SKP1: variants seen among roughly 807,000 people sequenced by gnomAD.
The protein encoded by SKP1 is S-phase kinase-associated protein 1.
A neutral mutation model predicts 21.5 loss-of-function variants in SKP1; 1 was observed. That is an observed-to-expected ratio of 0.05 (90% CI 0.02 to 0.22). The LOEUF is 0.22. Among genes scored for constraint, SKP1 ranks in the 10% least tolerant of loss-of-function variants. SKP1 has a pLI of 1.00. For synonymous variants in SKP1, 59 were observed against 59.3 expected (o/e 0.99, Z 0.03); for missense variants, 70 against 192.0 (o/e 0.36, Z 3.76).
rs1282271236 is a variant in SKP1 at position 134,158,124 on chromosome 5, G to A, written c.456+331C>T. 13 of 1,385,146 alleles carry A rather than the reference G, an allele frequency of 9.4e-6. No individual in the cohort carries two copies. In the East Asian group the frequency reaches 2.8e-4, roughly 30 times the overall value. 85.8% of individuals were successfully genotyped at this position (1,385,146 alleles called of 1,614,324 possible). ...CATTAAGTTGCTCTAAAGTACCCTA[G>A]TATATACTTCTCTCTAGGGCCTGCT... On this transcript the variant is annotated intron_variant, in intron 5 of 5. Transcript: ENST00000353411.
chr5:134,162,266 CATTTTTGTATTTT>C (rs1761234177), intron 3 of SKP1, among the ~76,000 whole-genome samples: 1 of 152,032 alleles, frequency 6.6e-6, no homozygotes, highest in Admixed American at 6.6e-5. Flanking sequence ...ACACCTGGCT[CATTTTTGTATTTT>C]GTTTTTGTAG....
chr5:134,174,421 C>T (rs1761500721), intron 1 of SKP1: 1 of 893,444 alleles, frequency 1.1e-6, no homozygotes, highest in Admixed American at 5.3e-5. Context: ...ACAAACAACG[C>T]TACTAAATAA....
intron 5 of SKP1, chr5:134,157,978 G>A: frequency 6.6e-7 from 1 of 1,514,984 alleles, no homozygotes; most frequent in Non-Finnish European, 8.8e-7. Context: ...TATGAACAAA[G>A]CAAAGGCAAT....
chr5:134,169,323 T>C (rs1472146059), intron 2 of SKP1, among the ~76,000 whole-genome samples: 1 of 152,238 alleles, frequency 6.6e-6, no homozygotes, highest in Non-Finnish European at 1.5e-5. Flanking sequence ...CACCAATGCC[T>C]ATCCCTGATC....
In SKP1 at chr5:134,156,073, G is replaced by A. The variant is rs573040984; in HGVS notation, c.*1660C>T. 1.3e-5 allele frequency: 2 copies of A among 151,590 alleles called. No individual in the cohort carries two copies. Among genetic ancestry groups the A allele is most frequent in the East Asian group, 1.9e-4 (1 of 5,178 alleles). 9.4% of individuals were successfully genotyped at this position (151,590 alleles called of 1,614,324 possible). A position where few individuals can be genotyped will look rare whatever the true frequency, so the allele number is the denominator to read the frequency against. On this transcript the variant is annotated 3_prime_UTR_variant, in exon 6 of 6. Transcript: ENST00000353411. ...GTCCTCCCAAAATGTTGAGATTACA[G>A]GCATAAGCCACCATGCCCAGCTGCT...
At chr5:134,160,308 A>T (rs1027173465) in intron 4 of SKP1, among the ~76,000 whole-genome samples, 3 of 152,064 alleles carry the variant, frequency 2.0e-5, no homozygotes, top group Admixed American at 1.3e-4. Flanking sequence ...AGTGAGCCAA[A>T]ATCATGCCAC....
chr5:134,162,432 T>TTG (rs1761237278), intron 3 of SKP1, among the ~76,000 whole-genome samples: 1 of 151,972 alleles, frequency 6.6e-6, no homozygotes, highest in South Asian at 2.1e-4. Context: ...TGAGACTGAG[T>TTG]TTCACTCTTG....
In SKP1 at chr5:134,176,876, G is replaced by A. The variant is rs536480824; in HGVS notation, c.-22C>T. The A allele has an allele frequency of 4.0e-3, 606 of 153,058 alleles. 2 individuals carry two copies. The highest frequency in any genetic ancestry group is 7.1e-3 in the Non-Finnish European group (481 of 68,110). The allele number at this position is 153,058 out of a possible 1,614,324, so 9.5% of individuals were successfully genotyped here. A position where few individuals can be genotyped will look rare whatever the true frequency, so the allele number is the denominator to read the frequency against. On this transcript the variant is annotated 5_prime_UTR_variant, in exon 1 of 6. Coordinates refer to ENST00000353411, the MANE Select transcript of SKP1 (RefSeq NM_170679.3). ...TCACGGTGTTCGGTGTTAAGGAGAC[G>A]GCCGGCGGGAGGCTGACGAGAGCCG...
rs1039166459 is a variant in SKP1 at position 134,149,424 on chromosome 5, A to G, written c.*8309T>C. The G allele has an allele frequency of 1.3e-5, 2 of 152,250 alleles. No homozygotes were observed. The highest frequency in any genetic ancestry group is 4.8e-5 in the African/African-American group (2 of 41,472). 9.4% of individuals were successfully genotyped at this position (152,250 alleles called of 1,614,324 possible). On this transcript the variant is annotated 3_prime_UTR_variant, in exon 6 of 6. Coordinates refer to ENST00000353411, the MANE Select transcript of SKP1 (RefSeq NM_170679.3). ...CACCTCAATAGGTCAGTCAACAAGT[A>G]GATGATACATGTCAGGCAAGAAGTA...
chr5:134,160,592 T>G (rs540862089), intron 4 of SKP1, among the ~76,000 whole-genome samples: 3 of 152,314 alleles, frequency 2.0e-5, no homozygotes, highest in Non-Finnish European at 4.4e-5. Context: ...TTTAAAAAAC[T>G]GATCCCCTTA....
At chr5:134,174,162 T>C (rs1761495279) in intron 1 of SKP1, 140 bp from the exon 2 acceptor site, 2 of 623,338 alleles carry the variant, frequency 3.2e-6, no homozygotes, top group Non-Finnish European at 2.9e-6. Context: ...TGTAAAGCAC[T>C]GTTGTAAGCA....
At chr5:134,174,684 T>C (rs1761504624) in intron 1 of SKP1, 1 of 152,720 alleles carries the variant, frequency 6.5e-6, no homozygotes, top group African/African-American at 2.4e-5. Flanking sequence ...ATCTCCATAA[T>C]AATAACCTAT....
intron 3 of SKP1, among the ~76,000 whole-genome samples, chr5:134,163,475 T>C (rs1278400852): frequency 6.8e-6 from 1 of 147,570 alleles, no homozygotes; most frequent in Admixed American, 6.8e-5. Flanking sequence ...ATATATTCAA[T>C]ACAAACAGGC....
intron 3 of SKP1, chr5:134,161,572 T>C (rs1300461039): frequency 6.5e-6 from 1 of 152,676 alleles, no homozygotes; most frequent in Non-Finnish European, 1.5e-5. Context: ...ACACTACAGA[T>C]ACTTCTCTAG....
intron 2 of SKP1, 59 bp from the exon 3 acceptor site, chr5:134,167,302 CAGG>C: frequency 1.9e-6 from 2 of 1,062,390 alleles, no homozygotes; most frequent in Non-Finnish European, 2.9e-6. Context: ...TTATACCAAC[CAGG>C]CTATGTCTCA....
intron 1 of SKP1, chr5:134,174,726 G>A (rs1761505265): frequency 1.3e-5 from 2 of 149,060 alleles, no homozygotes; most frequent in Admixed American, 1.4e-4. Flanking sequence ...TATTAATTCA[G>A]ATTAATTATG....
At chr5:134,170,326 A>C (rs947085525) in intron 2 of SKP1, among the ~76,000 whole-genome samples, 2 of 152,212 alleles carry the variant, frequency 1.3e-5, no homozygotes, top group Non-Finnish European at 2.9e-5. Flanking sequence ...TCTAGCATTT[A>C]AAGTAAGGAT....
rs561951038 is a variant in SKP1 at position 134,149,286 on chromosome 5, T to C, written c.*8447A>G. 1 of 152,354 alleles carries C rather than the reference T, an allele frequency of 6.6e-6. No individual in the cohort carries two copies. The highest frequency in any genetic ancestry group is 2.1e-4 in the South Asian group (1 of 4,828). 9.4% of individuals were successfully genotyped at this position (152,354 alleles called of 1,614,324 possible). A position where few individuals can be genotyped will look rare whatever the true frequency, so the allele number is the denominator to read the frequency against. ...TCTATTATTCCATTCCGTATCCATA[T>C]ACCATGTGTACTCACTGTTTAGCTC... On this transcript the variant is annotated 3_prime_UTR_variant, in exon 6 of 6. Transcript: ENST00000353411.
At position 134,150,278 on chromosome 5, in the gene SKP1, A is replaced by G. The variant is rs1319837204; in HGVS notation, c.*7455T>C. On this transcript the variant is annotated 3_prime_UTR_variant, in exon 6 of 6. Coordinates refer to ENST00000353411, the MANE Select transcript of SKP1 (RefSeq NM_170679.3). ...TTTTGAATGGCTCCTGTGGTCTCCC[A>G]TTCCTTCTGGCTGTGGACCCCTAAC... 2 of 152,158 alleles carry G rather than the reference A, an allele frequency of 1.3e-5. No individual in the cohort carries two copies. The highest frequency in any genetic ancestry group is 3.9e-4 in the East Asian group (2 of 5,180). 9.4% of individuals were successfully genotyped at this position (152,158 alleles called of 1,614,324 possible). A position where few individuals can be genotyped will look rare whatever the true frequency, so the allele number is the denominator to read the frequency against.
Sources: gnomAD v4.1 joint callset for allele counts (sites outside exome capture counted in the v4.1 genomes callset) on GRCh38, gnomAD v4.1.1 for gene constraint, MANE v1.5 for transcripts, NCBI Gene and HGNC (gene_info 2026-07-23, HGNC 2026-07-21) for gene names.